The following LIN7A variants were observed in gnomAD, a reference collection of about 807,000 sequenced individuals.
LIN7A encodes lin-7 cell polarity scaffold A, also known as protein lin-7 homolog A.
Under a neutral mutation model 29.8 loss-of-function variants are expected in LIN7A, and 25 were observed. The ratio of observed to expected loss-of-function variants is 0.84; its 90% CI spans 0.61 to 1.17. LIN7A has a LOEUF of 1.17. LIN7A is among the 50% of genes most tolerant of loss of function. The pLI, the probability that LIN7A is intolerant of heterozygous loss-of-function variation, is 0.00. For missense variants in LIN7A, 239 were observed against 287.0 expected (o/e 0.83, Z 1.21); for synonymous variants, 118 against 107.5 (o/e 1.10, Z -0.60).
chr12:80,916,275 G>T (rs1877026683), intron 1 of LIN7A, among the ~76,000 whole-genome samples: 1 of 152,088 alleles, frequency 6.6e-6, no homozygotes, highest in African/African-American at 2.4e-5. Flanking sequence ...CCCTCCTGTG[G>T]CTTAGTATTT....
In LIN7A at chr12:80,811,496, T is replaced by C. The variant is rs745687798; in HGVS notation, c.671A>G (p.Gln224Arg). The C allele has an allele frequency of 6.4e-7, 1 of 1,571,370 alleles. No individual in the cohort carries two copies. Among genetic ancestry groups the C allele is most frequent in the Admixed American group, 1.8e-5 (1 of 56,236 alleles). Residue 224 changes from glutamine to arginine, a missense_variant, in exon 5 of 6, where the codon CAG (glutamine) becomes CGG (arginine). By Grantham distance (43) the Gln-to-Arg change is conservative. Coordinates refer to ENST00000552864, the MANE Select transcript of LIN7A (RefSeq NM_004664.4). Reference protein sequence around the residue: ...LLIQQQQQQQQQQTQQNHMS With the variant: ...LLIQQQQQQQRQQTQQNHMS The stretch of plus-strand genomic sequence containing the variant: ...CATGTGGTTTTGTTGTGTTTGTTGC[T>C]GCTGCTGCTGTTGCTGCTGCTGAAT...
chr12:80,854,162 A>G (rs943580231), intron 2 of LIN7A, among the ~76,000 whole-genome samples: 1 of 152,200 alleles, frequency 6.6e-6, no homozygotes, highest in African/African-American at 2.4e-5. Flanking sequence ...AACAATATGG[A>G]AATACTTATA....
At chr12:80,892,687 CAG>C (rs1875686640) in intron 1 of LIN7A, among the ~76,000 whole-genome samples, 1 of 152,056 alleles carries the variant, frequency 6.6e-6, no homozygotes, top group Admixed American at 6.6e-5. Context: ...TAAAATCAAC[CAG>C]AGAGGCTTTA....
At chr12:80,810,734 A>C (rs1235779513) in intron 5 of LIN7A, among the ~76,000 whole-genome samples, 1 of 152,122 alleles carries the variant, frequency 6.6e-6, no homozygotes, top group East Asian at 1.9e-4. Context: ...CCTTTTCTTC[A>C]CATCCTCACT....
At chr12:80,887,255 A>G (rs182746905) in intron 2 of LIN7A, among the ~76,000 whole-genome samples, 3 of 152,196 alleles carry the variant, frequency 2.0e-5, no homozygotes, top group East Asian at 1.9e-4. Flanking sequence ...CCAAGTTGCT[A>G]TCATCTTATC....
intron 1 of LIN7A, 49 bp downstream of exon 1, chr12:80,937,592 A>G (rs978165521): frequency 7.7e-7 from 1 of 1,299,722 alleles, no homozygotes; most frequent in Non-Finnish European, 1.0e-6. Flanking sequence ...CGGGGAAGGG[A>G]GGAGGGGAGA....
intron 1 of LIN7A, among the ~76,000 whole-genome samples, chr12:80,900,249 G>A (rs985456920): frequency 1.3e-5 from 2 of 151,950 alleles, no homozygotes; most frequent in African/African-American, 4.8e-5. Flanking sequence ...GGTTTTTCAT[G>A]CCTGAATTTC....
intron 2 of LIN7A, among the ~76,000 whole-genome samples, chr12:80,855,989 A>G (rs1873574416): frequency 6.6e-6 from 1 of 152,138 alleles, no homozygotes; most frequent in African/African-American, 2.4e-5. Flanking sequence ...TCTTTTCTAT[A>G]TGCTTTTGTA....
At chr12:80,843,976 TTA>T (rs772474959) in intron 4 of LIN7A, among the ~76,000 whole-genome samples, 24 of 150,302 alleles carry the variant, frequency 1.6e-4, no homozygotes, top group East Asian at 3.9e-4. Context: ...ATTAAATTTA[TTA>T]TATATATATA....
At chr12:80,889,885 T>C (rs1212433121) in intron 1 of LIN7A, among the ~76,000 whole-genome samples, 1 of 152,170 alleles carries the variant, frequency 6.6e-6, no homozygotes, top group Non-Finnish European at 1.5e-5. Context: ...TATGGTATAT[T>C]GTAGTGATTA....
intron 1 of LIN7A, among the ~76,000 whole-genome samples, chr12:80,921,656 C>G (rs935742504): frequency 1.3e-5 from 2 of 151,954 alleles, no homozygotes; most frequent in African/African-American, 4.8e-5. Context: ...ACCTAATTAC[C>G]TCCTAAAAGC....
chr12:80,898,160 G>C (rs1054296821), intron 1 of LIN7A, among the ~76,000 whole-genome samples: 4 of 152,204 alleles, frequency 2.6e-5, no homozygotes, highest in African/African-American at 4.8e-5. Flanking sequence ...GTGGTGTAAG[G>C]AAGGGGTTCA....
chr12:80,894,940 C>G (rs926644592), intron 1 of LIN7A, among the ~76,000 whole-genome samples: 2 of 152,158 alleles, frequency 1.3e-5, no homozygotes, highest in African/African-American at 2.4e-5. Flanking sequence ...ATACACCTAA[C>G]AAATGGAGAG....
chr12:80,846,088 T>C, intron 3 of LIN7A, 149 bp from the exon 4 acceptor site: 2 of 676,888 alleles, frequency 3.0e-6, no homozygotes, highest in African/African-American at 3.7e-5. Flanking sequence ...CAGAGGACTT[T>C]CTTCATTTAG....
intron 1 of LIN7A, among the ~76,000 whole-genome samples, chr12:80,899,371 GAGTT>G (rs1368330814): frequency 2.6e-5 from 4 of 152,180 alleles, no homozygotes; most frequent in Non-Finnish European, 5.9e-5. Flanking sequence ...TGTGATGCTG[GAGTT>G]AGTTTGTTTA....
intron 1 of LIN7A, among the ~76,000 whole-genome samples, chr12:80,918,792 A>G (rs935781398): frequency 6.6e-6 from 1 of 152,234 alleles, no homozygotes; most frequent in Non-Finnish European, 1.5e-5. Context: ...GAACAGAAAA[A>G]TAGTTTGCAT....
At chr12:80,882,287 C>CTTTTTTTTTTTTTTTTTTT (rs56000415) in intron 2 of LIN7A, among the ~76,000 whole-genome samples, 1 of 87,700 alleles carries the variant, frequency 1.1e-5, no homozygotes, top group African/African-American at 3.0e-5. Context: ...TTCTTTCATT[C>CTTTTTTTTTTTTTTTTTTT]TTTTTTTTTT....
At chr12:80,904,133 AT>A (rs1396904510) in intron 1 of LIN7A, among the ~76,000 whole-genome samples, 1 of 152,110 alleles carries the variant, frequency 6.6e-6, no homozygotes, top group Non-Finnish European at 1.5e-5. Flanking sequence ...TAAATTAATA[AT>A]TTTAGCTTAA....
At chr12:80,846,550 T>C (rs938062685) in intron 3 of LIN7A, among the ~76,000 whole-genome samples, 15 of 152,162 alleles carry the variant, frequency 9.9e-5, no homozygotes, top group Non-Finnish European at 1.8e-4. Flanking sequence ...AAATAATAGA[T>C]TCAAACAGAT....
Sources: gnomAD v4.1 joint callset for allele counts (sites outside exome capture counted in the v4.1 genomes callset) on GRCh38, gnomAD v4.1.1 for gene constraint, MANE v1.5 for transcripts, NCBI Gene and HGNC (gene_info 2026-07-23, HGNC 2026-07-21) for gene names.